The following HSP90AB1 variants were observed in gnomAD, a reference collection of about 807,000 sequenced individuals.
HSP90AB1 encodes heat shock protein 90 alpha family class B member 1, also known as heat shock protein HSP 90-beta.
HSP90AB1 carries 17 observed loss-of-function variants against 67.8 expected under a neutral mutation model. That is an observed-to-expected ratio of 0.25 (90% CI 0.17 to 0.38). The LOEUF (loss-of-function observed/expected upper bound fraction) is 0.38. Ranked by LOEUF, HSP90AB1 falls within the 10% of genes least tolerant of loss-of-function variation. HSP90AB1 has a pLI of 1.00. For missense variants in HSP90AB1, 690 were observed against 899.9 expected, an observed-to-expected ratio of 0.77 and a Z score of 2.98; for synonymous variants, 390 against 312.9, an observed-to-expected ratio of 1.25 and a Z score of -2.60.
rs759258840 is a variant in HSP90AB1 at position 44,251,582 on chromosome 6, T to G, written c.1288T>G (p.Tyr430Asp). 1 of 1,606,944 alleles carries G rather than the reference T, an allele frequency of 6.2e-7. No individual in the cohort carries two copies. Among genetic ancestry groups the G allele is most frequent in the South Asian group, 1.1e-5 (1 of 90,452 alleles). The stretch of plus-strand genomic sequence containing the variant: ...AGACAAGGAGAATTACAAGAAATTC[T>G]ATGAGGCATTCTCTAAAAATCTCAA... ...AEDKENYKKF[Y>D]EAFSKNLKLG... The change falls in exon 8 of 12, where the codon TAT (tyrosine) becomes GAT (aspartate). Residue 430 changes from tyrosine (Y) to aspartate (D), a missense_variant. Tyr to Asp is a radical substitution (Grantham distance 160). This residue lies in a region of HSP90AB1 where 206 missense variants were observed against 221.4 expected (regional missense o/e 0.93). Transcript: ENST00000371646.
At chr6:44,248,570 TA>T in intron 1 of HSP90AB1, 59 bp from the exon 2 acceptor site, 1 of 1,516,034 alleles carries the variant, frequency 6.6e-7, no homozygotes, top group Non-Finnish European at 9.0e-7. Flanking sequence ...ATATGACCTT[TA>T]GGATTTTTAA....
rs536914257 is a variant in HSP90AB1, at chr6:44,249,309, T to G, written c.148-68T>G. On this transcript the variant is annotated intron_variant, in intron 2 of 11. Coordinates refer to ENST00000371646, the MANE Select transcript of HSP90AB1 (RefSeq NM_007355.4). ...AGCTGTCATCCTTGCCACTGCACTG[T>G]AGCTTGGGCAACAGAGCAAGAGTCT... is the stretch of plus-strand genomic sequence containing the variant. The G allele has an allele frequency of 2.5e-5, 33 of 1,325,042 alleles. No individual in the cohort carries two copies. In the South Asian group the frequency reaches 3.4e-4, roughly 14 times the overall value. The allele number at this position is 1,325,042 out of a possible 1,614,324, so 82.1% of individuals were successfully genotyped here. A position where few individuals can be genotyped will look rare whatever the true frequency, so the allele number is the denominator to read the frequency against.
Position 44,253,432 on chromosome 6 carries a change from T to C in HSP90AB1, c.2065+54T>C, listed in dbSNP as rs561900245. ...AGGAGTTTGTGCAACTCGTCTCCTC[T>C]ATGGATTTGACTTAATGCTATTTGG... is the stretch of plus-strand genomic sequence containing the variant. On this transcript the variant is annotated intron_variant, in intron 11 of 11. Transcript: ENST00000371646. 4.4e-6 allele frequency: 7 copies of C among 1,604,054 alleles called. No homozygotes were observed. The African/African-American group carries it at 8.0e-5, about 18-fold the overall frequency.
Position 44,250,255 on chromosome 6 carries a change from T to A in HSP90AB1, c.649-36T>A, listed in dbSNP as rs779517590. ...GCTTTTGCTTTCCCTGGTAGTGTTTTGTACTCCAAGGCTAACTTCTGTTTT... is the reference window on the plus strand; with the variant it reads ...GCTTTTGCTTTCCCTGGTAGTGTTTAGTACTCCAAGGCTAACTTCTGTTTT... On this transcript the variant is annotated intron_variant, in intron 5 of 11. Coordinates refer to ENST00000371646, the MANE Select transcript of HSP90AB1 (RefSeq NM_007355.4). 8.1e-6 allele frequency: 13 copies of A among 1,611,210 alleles called. No individual in the cohort carries two copies. The African/African-American group carries it at 1.5e-4, about 18-fold the overall frequency.
intron 10 of HSP90AB1, 60 bp downstream of exon 10, chr6:44,252,327 A>C: frequency 6.6e-7 from 1 of 1,509,896 alleles, no homozygotes; most frequent in African/African-American, 1.4e-5. Flanking sequence ...CTCCCTCACA[A>C]GCATGTTTCT....
chr6:44,248,906 A>G, intron 2 of HSP90AB1, 130 bp downstream of exon 2: 1 of 840,420 alleles, frequency 1.2e-6, no homozygotes, highest in South Asian at 1.7e-5. Context: ...TTCCAAAAAG[A>G]TGGGTTTTAC....
At position 44,253,570 on chromosome 6, in the gene HSP90AB1, A is replaced by G; in HGVS notation, c.2147A>G (p.Asp716Gly). The G allele has an allele frequency of 6.2e-7, 1 of 1,614,052 alleles. No individual in the cohort carries two copies. Among genetic ancestry groups the G allele is most frequent in the Non-Finnish European group, 8.5e-7 (1 of 1,179,920 alleles). Residue 716 changes from aspartate to glycine, a missense_variant, in exon 12 of 12, where the codon GAT becomes GGT. By Grantham distance (94) the Asp-to-Gly change is moderately conservative (BLOSUM62 -1). This residue lies in a region of HSP90AB1 where 120 missense variants were observed against 153.5 expected (regional missense o/e 0.78). Transcript: ENST00000371646. ...ATCCCCCCTCTCGAGGGCGATGAGG[A>G]TGCGTCTCGCATGGAAGAAGTCGAT... Reference protein sequence around the residue: ...DEIPPLEGDEDASRMEEVD With the variant: ...DEIPPLEGDEGASRMEEVD
At position 44,252,006 on chromosome 6, in the gene HSP90AB1, C is replaced by T; in HGVS notation, c.1470C>T (p.Ser490=). The change falls in exon 10 of 12, where the codon AGC becomes AGT. Residue 490 remains serine (S), a synonymous_variant. Coordinates refer to ENST00000371646, the MANE Select transcript of HSP90AB1 (RefSeq NM_007355.4). ...QKSIYYITGE[S]KEQVANSAFV... ...CATTTAATTACCCTACAGGTGAGAG[C>T]AAAGAGCAGGTGGCCAACTCAGCTT... The T allele has an allele frequency of 6.2e-7, 1 of 1,614,140 alleles. No individual in the cohort carries two copies. Among genetic ancestry groups the T allele is most frequent in the Non-Finnish European group, 8.5e-7 (1 of 1,180,038 alleles).
intron 6 of HSP90AB1, 43 bp from the exon 7 acceptor site, chr6:44,251,004 AG>A: frequency 1.3e-6 from 2 of 1,562,930 alleles, no homozygotes; most frequent in Non-Finnish European, 1.8e-6. Context: ...TGGGGCTAAA[AG>A]GTCCTCTTTT....
upstream of HSP90AB1, among the ~76,000 whole-genome samples, chr6:44,246,538 C>T (rs1329617914): frequency 6.6e-6 from 1 of 152,224 alleles, no homozygotes; most frequent in East Asian, 1.9e-4. Context: ...GGCGCCCTCC[C>T]CCTACGCTGA....
Position 44,253,629 on chromosome 6 carries a change from C to T in HSP90AB1, c.*31C>T, listed in dbSNP as rs2153323888. ...GAGTTCATAGTTGGAAAACTTGTGCCCTTGTATAGTGTCCCCATGGGCTCC... is the reference window on the plus strand; with the variant it reads ...GAGTTCATAGTTGGAAAACTTGTGCTCTTGTATAGTGTCCCCATGGGCTCC... On this transcript the variant is annotated 3_prime_UTR_variant, in exon 12 of 12. Transcript: ENST00000371646. 1 of 1,555,846 alleles carries T rather than the reference C, an allele frequency of 6.4e-7. No individual in the cohort carries two copies. The highest frequency in any genetic ancestry group is 8.9e-7 in the Non-Finnish European group (1 of 1,127,134).
At chr6:44,247,728 C>T (rs1383974281) in intron 1 of HSP90AB1, 1 of 152,274 alleles carries the variant, frequency 6.6e-6, no homozygotes. Flanking sequence ...CTCCCTCCTT[C>T]CAGATCTTTC....
rs1780635492 is a variant in HSP90AB1, at chr6:44,251,484, A to G, written c.1190A>G (p.Gln397Arg). 3 of 1,611,588 alleles carry G rather than the reference A, an allele frequency of 1.9e-6. No individual in the cohort carries two copies. The highest frequency in any genetic ancestry group is 1.7e-6 in the Non-Finnish European group (2 of 1,178,202). ...AACATCTCCCGAGAAATGCTCCAGC[A>G]GAGCAAAATCTTGAAAGTCATTCGC... ...PLNISREMLQ[Q>R]SKILKVIRKN... Residue 397 changes from glutamine (Q) to arginine (R), a missense_variant, in exon 8 of 12, where the codon CAG (glutamine) becomes CGG (arginine). Physicochemically the swap from Gln to Arg is conservative, Grantham distance 43. Around this residue, in one of 7 missense-constraint regions of HSP90AB1, gnomAD observed 101 missense variants for 174.8 expected, o/e 0.58. Transcript: ENST00000371646.
At position 44,250,276 on chromosome 6, in the gene HSP90AB1, G is replaced by T; in HGVS notation, c.649-15G>T. On this transcript the variant is annotated splice_polypyrimidine_tract_variant and intron_variant, in intron 5 of 11. Coordinates refer to ENST00000371646, the MANE Select transcript of HSP90AB1 (RefSeq NM_007355.4). The stretch of plus-strand genomic sequence containing the variant: ...GTTTTGTACTCCAAGGCTAACTTCT[G>T]TTTTTGTTACTTAGTTGGAGAAGGA... 1 of 1,612,240 alleles carries T rather than the reference G, an allele frequency of 6.2e-7. No individual in the cohort carries two copies. Among genetic ancestry groups the T allele is most frequent in the Non-Finnish European group, 8.5e-7 (1 of 1,179,108 alleles).
At chr6:44,249,228 C>G in intron 2 of HSP90AB1, 149 bp from the exon 3 acceptor site, 1 of 648,394 alleles carries the variant, frequency 1.5e-6, no homozygotes, top group Admixed American at 2.6e-5. Flanking sequence ...GTCCCAGCTA[C>G]TTGGGAAGCT....
chr6:44,248,507 A>G (rs1011653007), intron 1 of HSP90AB1, 123 bp from the exon 2 acceptor site: 8 of 786,790 alleles, frequency 1.0e-5, no homozygotes, highest in African/African-American at 5.2e-5. Flanking sequence ...TTGGGAAGGG[A>G]TAGTACTCCG....
chr6:44,252,318 T>A (rs1488008963), intron 10 of HSP90AB1, 51 bp downstream of exon 10: 14 of 1,542,732 alleles, frequency 9.1e-6, no homozygotes, highest in Non-Finnish European at 1.2e-5. Context: ...CGAGGTGGGC[T>A]CCCTCACAAG....
chr6:44,251,974 CT>C (rs1780696902), intron 9 of HSP90AB1, 24 bp from the exon 10 acceptor site: 36 of 1,613,790 alleles, frequency 2.2e-5, no homozygotes, highest in Non-Finnish European at 2.7e-5. Context: ...ATTTTAGTCA[CT>C]GAGTTCATTT....
rs998217713 is a variant in HSP90AB1, at chr6:44,249,258, G to A, written c.148-119G>A. 1.2e-5 allele frequency: 9 copies of A among 777,502 alleles called. No individual in the cohort carries two copies. In the African/African-American group the frequency reaches 1.2e-4, roughly 10 times the overall value. 48.2% of individuals were successfully genotyped at this position (777,502 alleles called of 1,614,324 possible). A position where few individuals can be genotyped will look rare whatever the true frequency, so the allele number is the denominator to read the frequency against. On this transcript the variant is annotated intron_variant, in intron 2 of 11. Transcript: ENST00000371646. ...GAAGCTGGGGTTGGGAGGATGGCTC[G>A]AACCTGGGAGGTCAAGGCTGCAGTG...
Sources: gnomAD v4.1 joint callset for allele counts (sites outside exome capture counted in the v4.1 genomes callset) on GRCh38, gnomAD v4.1.1 for gene constraint, gnomAD v4.1.1 regional missense constraint, MANE v1.5 for transcripts, NCBI Gene and HGNC (gene_info 2026-07-23, HGNC 2026-07-21) for gene names.